The following ANK3 variants were observed in gnomAD, a reference collection of about 807,000 sequenced individuals.
ANK3 encodes ankyrin 3, also known as ankyrin-3.
ANK3 carries 57 observed loss-of-function variants against 370.9 expected under a neutral mutation model. The observed-to-expected ratio is 0.15, with a 90% CI of 0.12 to 0.19. ANK3 has a LOEUF of 0.19. ANK3 is among the 10% of genes least tolerant of loss of function. The pLI, the probability that ANK3 is intolerant of heterozygous loss-of-function variation, is 1.00. For missense variants in ANK3, 4,439 were observed against 5,302.1 expected, an observed-to-expected ratio of 0.84 and a Z score of 5.06; for synonymous variants, 1,929 against 1,946.3, an observed-to-expected ratio of 0.99 and a Z score of 0.23.
chr10:60,484,955 A>T (rs185309246), intron 2 of ANK3, among the ~76,000 whole-genome samples: 3 of 152,202 alleles, frequency 2.0e-5, no homozygotes, highest in Non-Finnish European at 2.9e-5. Context: ...ACATTGACTT[A>T]ACTAGATCAT....
At chr10:60,724,162 A>T (rs1412176463) in intron 1 of ANK3, among the ~76,000 whole-genome samples, 2 of 126,338 alleles carry the variant, frequency 1.6e-5, no homozygotes, top group Non-Finnish European at 3.3e-5. Flanking sequence ...GTGAGCCGAG[A>T]TCGCGCCACT....
chr10:60,352,318 AAAAC>A (rs1452147402), intron 1 of ANK3, among the ~76,000 whole-genome samples: 6 of 152,330 alleles, frequency 3.9e-5, no homozygotes, highest in Admixed American at 1.3e-4. Flanking sequence ...AGCAAATTGA[AAAAC>A]AAAACAGAAA....
At chr10:60,222,414 A>C (rs547161406) in intron 8 of ANK3, among the ~76,000 whole-genome samples, 8 of 121,794 alleles carry the variant, frequency 6.6e-5, no homozygotes, top group African/African-American at 2.1e-4. Flanking sequence ...ATTCACACTT[A>C]ATTCAGTTAA....
chr10:60,527,157 A>G (rs1212889241), intron 2 of ANK3, among the ~76,000 whole-genome samples: 1 of 152,186 alleles, frequency 6.6e-6, no homozygotes, highest in East Asian at 1.9e-4. Context: ...AATGGCTCTT[A>G]GCACTGACTG....
chr10:60,104,906 T>C (rs998811116), intron 28 of ANK3, among the ~76,000 whole-genome samples: 7 of 152,232 alleles, frequency 4.6e-5, no homozygotes, highest in African/African-American at 1.7e-4. Flanking sequence ...ATCTCCATTT[T>C]GCAGAAGAAA....
Position 60,069,210 on chromosome 10 carries a change from G to A in ANK3, c.11671C>T (p.Gln3891Ter). 6.2e-7 allele frequency: 1 copy of A among 1,614,146 alleles called. No homozygotes were observed. The highest frequency in any genetic ancestry group is 8.5e-7 in the Non-Finnish European group (1 of 1,180,010). Reference sequence around the variant, plus strand: ...TTGGTTTTCTCGGATTGACTAACCTGCTTCATTTTACTTGCTTTAGTGTTT... The same window carrying A: ...TTGGTTTTCTCGGATTGACTAACCTACTTCATTTTACTTGCTTTAGTGTTT... ...MSNTKASKMK[Q>*]VSQSEKTKAL... The change falls in exon 37 of 44, where the codon CAG becomes TAG. Residue 3891 changes from glutamine (Q) to a stop codon, truncating the protein, a stop_gained. Coordinates refer to ENST00000280772, the MANE Select transcript of ANK3 (RefSeq NM_020987.5). LOFTEE classifies it high-confidence loss of function.
Position 60,088,672 on chromosome 10 carries a change from G to A in ANK3, c.3329-314C>T, listed in dbSNP as rs1036090402. 5.3e-5 allele frequency among the ~76,000 whole-genome samples: 8 copies of A among 152,130 alleles called. No homozygotes were observed. The East Asian group carries it at 7.7e-4, about 15-fold the overall frequency. On this transcript the variant is annotated intron_variant, in intron 28 of 43. Transcript: ENST00000280772. ...ACTCGCGACCTCCGGTGATCTGCCC[G>A]CCTCGACCTCCCAAGGTGCTGGGAT...
chr10:60,278,969 T>C (rs1399750174), intron 3 of ANK3, 81 bp downstream of exon 3: 7 of 1,560,092 alleles, frequency 4.5e-6, no homozygotes, highest in East Asian at 4.5e-5. Flanking sequence ...TTATGAGATA[T>C]GTGCCCCCAT....
At chr10:60,394,999 T>A (rs1468088006) in intron 2 of ANK3, among the ~76,000 whole-genome samples, 5 of 152,338 alleles carry the variant, frequency 3.3e-5, no homozygotes, top group Admixed American at 1.3e-4. Flanking sequence ...TGGCTACTGG[T>A]AGGGAAATGT....
At chr10:60,166,088 A>C (rs60520787) in intron 23 of ANK3, among the ~76,000 whole-genome samples, 3,765 of 152,134 alleles carry the variant, frequency 0.025, 123 homozygotes, top group East Asian at 0.073. Flanking sequence ...ATCATTATTG[A>C]AAATTTCTAT....
intron 2 of ANK3, among the ~76,000 whole-genome samples, chr10:60,599,447 C>T (rs779812557): frequency 2.0e-5 from 3 of 152,190 alleles, no homozygotes; most frequent in African/African-American, 4.8e-5. Flanking sequence ...TAACATTACT[C>T]ACATGAAAGG....
At chr10:60,273,141 A>G (rs1252778679) in intron 4 of ANK3, among the ~76,000 whole-genome samples, 1 of 152,192 alleles carries the variant, frequency 6.6e-6, no homozygotes, top group African/African-American at 2.4e-5. Context: ...ACTGAGATGC[A>G]CAGAATTAGG....
At chr10:60,346,234 G>A (rs10761488) in intron 1 of ANK3, among the ~76,000 whole-genome samples, 105,974 of 151,714 alleles carry the variant, frequency 0.7, 38,265 homozygotes, top group South Asian at 0.91. Flanking sequence ...AAAGCCACAG[G>A]GAATGTATAA....
intron 2 of ANK3, among the ~76,000 whole-genome samples, chr10:60,457,556 C>A (rs779199080): frequency 1.3e-5 from 2 of 151,784 alleles, no homozygotes; most frequent in African/African-American, 2.4e-5. Context: ...GTTAATGGAA[C>A]CAAAAAAGGG....
chr10:60,206,806 C>T (rs891236524), intron 10 of ANK3, among the ~76,000 whole-genome samples: 5 of 152,256 alleles, frequency 3.3e-5, no homozygotes, highest in East Asian at 1.9e-4. Context: ...GACTGTGGCA[C>T]GTATTTCAGC....
intron 1 of ANK3, among the ~76,000 whole-genome samples, chr10:60,377,132 G>A (rs553867180): frequency 1.3e-5 from 2 of 152,326 alleles, no homozygotes; most frequent in Non-Finnish European, 2.9e-5. Context: ...TTGAATCGGG[G>A]TGCAGTGGCC....
intron 8 of ANK3, among the ~76,000 whole-genome samples, chr10:60,218,309 T>C (rs1028762662): frequency 1.3e-5 from 2 of 152,142 alleles, no homozygotes; most frequent in Non-Finnish European, 2.9e-5. Context: ...TATATGTGAA[T>C]TTGATCCTGT....
intron 1 of ANK3, among the ~76,000 whole-genome samples, chr10:60,345,603 G>T (rs2055267337): frequency 1.3e-5 from 2 of 152,100 alleles, no homozygotes. Flanking sequence ...AACTATGTTA[G>T]CCTTTTAGAA....
At chr10:60,369,174 T>C (rs1028051926) in intron 1 of ANK3, among the ~76,000 whole-genome samples, 18 of 152,184 alleles carry the variant, frequency 1.2e-4, no homozygotes, top group Admixed American at 3.9e-4. Flanking sequence ...TCTGGACATA[T>C]AATTGTAAAG....
Sources: gnomAD v4.1 joint callset for allele counts (sites outside exome capture counted in the v4.1 genomes callset) on GRCh38, gnomAD v4.1.1 for gene constraint, MANE v1.5 for transcripts, NCBI Gene and HGNC (gene_info 2026-07-23, HGNC 2026-07-21) for gene names.